The following PASK variants were observed in gnomAD, a reference collection of about 807,000 sequenced individuals.
PASK encodes the protein PAS domain-containing serine/threonine-protein kinase.
Under a neutral mutation model 121.0 loss-of-function variants are expected in PASK, and 110 were observed. The observed-to-expected ratio is 0.91, with a 90% CI of 0.78 to 1.06. PASK has a LOEUF of 1.06. Among genes scored for constraint, PASK ranks in the 50% least tolerant of loss-of-function variants. The pLI, the probability that PASK is intolerant of heterozygous loss-of-function variation, is 0.00. For synonymous variants in PASK, 686 were observed against 717.8 expected (o/e 0.96, Z 0.71); for missense variants, 1,643 against 1,702.3 (o/e 0.97, Z 0.61).
chr2:241,121,741 C>T (rs1372558691), intron 12 of PASK, among the ~76,000 whole-genome samples: 1 of 152,130 alleles, frequency 6.6e-6, no homozygotes, highest in Non-Finnish European at 1.5e-5. Flanking sequence ...AAGTAGACTT[C>T]AGAACAAGGC....
chr2:241,106,896 G>A (rs2064907899), intron 17 of PASK, among the ~76,000 whole-genome samples, 173 bp from the exon 18 acceptor site: 1 of 152,356 alleles, frequency 6.6e-6, no homozygotes, highest in Non-Finnish European at 1.5e-5. Flanking sequence ...TAAGCCCAGG[G>A]CCATCAACCG....
In PASK at chr2:241,142,949, G is replaced by A. The variant is rs745499624; in HGVS notation, c.84C>T (p.Gly28=). The stretch of plus-strand genomic sequence containing the variant: ...GCTCAGCAGTGGTCTGTGCAGCTGG[G>A]CCCTCTGCTGACACTGGCAAGGGGA... ...QSLPLPVSAE[G]PAAQTTAEPS... is the part of the protein sequence containing the mutation. The change falls in exon 2 of 18, where the codon GGC becomes GGT. Residue 28 remains glycine, a synonymous_variant. Transcript: ENST00000234040. 3 of 1,613,684 alleles carry A rather than the reference G, an allele frequency of 1.9e-6. No homozygotes were observed. The highest frequency in any genetic ancestry group is 1.7e-5 in the Admixed American group (1 of 60,018).
intron 7 of PASK, 57 bp from the exon 8 acceptor site, chr2:241,136,096 A>G (rs989624859): frequency 6.9e-7 from 1 of 1,453,780 alleles, no homozygotes; most frequent in Non-Finnish European, 9.7e-7. Context: ...GACCCACTGG[A>G]CCGTCCCCCT....
intron 12 of PASK, among the ~76,000 whole-genome samples, chr2:241,118,103 T>C (rs1029329936): frequency 1.3e-5 from 2 of 152,214 alleles, no homozygotes; most frequent in African/African-American, 2.4e-5. Flanking sequence ...ACAGATTCAA[T>C]GTGATTCCTA....
chr2:241,135,439 G>A (rs1045241074), intron 8 of PASK, among the ~76,000 whole-genome samples: 1 of 152,106 alleles, frequency 6.6e-6, no homozygotes, highest in Non-Finnish European at 1.5e-5. Context: ...GATTTCTGAG[G>A]TTGAAAAGAA....
intron 9 of PASK, among the ~76,000 whole-genome samples, chr2:241,131,452 C>T (rs1340047002): frequency 5.9e-5 from 9 of 152,176 alleles, no homozygotes. Flanking sequence ...CTGGCCCATG[C>T]ATTACATATT....
rs1330497414 is a variant in PASK, at chr2:241,135,853, A to C, written c.1306+18T>G. ...CTCAGCAGCTACAGGCGCATTCAGG[A>C]GGAAGAGGACGTCTTACCCTGGCCC... On this transcript the variant is annotated intron_variant, in intron 8 of 17. Transcript: ENST00000234040. 1 of 1,611,232 alleles carries C rather than the reference A, an allele frequency of 6.2e-7. No individual in the cohort carries two copies. Among genetic ancestry groups the C allele is most frequent in the East Asian group, 2.2e-5 (1 of 44,872 alleles).
chr2:241,106,173 TTGAC>T lies in PASK; in HGVS notation c.*389_*392del, dbSNP rs1242521668. The stretch of plus-strand genomic sequence containing the variant: ...TAAATTAATGAAATAGTCTGGCCAT[TTGAC>T]TAACCAGTTCTACAAATTTCACATA... On this transcript the variant is annotated 3_prime_UTR_variant, in exon 18 of 18. Transcript: ENST00000234040. The T allele has an allele frequency of 8.1e-6, 2 of 248,334 alleles. No homozygotes were observed. Among genetic ancestry groups the T allele is most frequent in the African/African-American group, 4.6e-5 (2 of 43,528 alleles). The allele number at this position is 248,334 out of a possible 1,614,324, so 15.4% of individuals were successfully genotyped here.
intron 14 of PASK, 146 bp downstream of exon 14, chr2:241,114,897 T>A: frequency 6.5e-7 from 1 of 1,535,938 alleles, no homozygotes. Flanking sequence ...CTTCTCAAAA[T>A]ATATATCCTA....
At chr2:241,131,780 G>A (rs1293837600) in intron 9 of PASK, among the ~76,000 whole-genome samples, 1 of 152,164 alleles carries the variant, frequency 6.6e-6, no homozygotes, top group Non-Finnish European at 1.5e-5. Context: ...TCTGGGTCAG[G>A]TATGGTGGCT....
At chr2:241,137,921 C>T (rs771091356) in intron 6 of PASK, 32 bp downstream of exon 6, 5 of 1,612,724 alleles carry the variant, frequency 3.1e-6, no homozygotes. Context: ...AACTCCACCC[C>T]ATCACACAGT....
At chr2:241,148,003 C>T (rs1003524576) in intron 1 of PASK, among the ~76,000 whole-genome samples, 2 of 152,190 alleles carry the variant, frequency 1.3e-5, no homozygotes, top group Non-Finnish European at 2.9e-5. Context: ...CAGCCACAGC[C>T]TGGCCTCAAG....
rs150763635 is a variant in PASK, at chr2:241,112,784, G to A, written c.3334-345C>T. The A allele has an allele frequency of 7.9e-5, 25 of 317,532 alleles. No homozygotes were observed. In the East Asian group the frequency reaches 2.2e-3, roughly 28 times the overall value. 19.7% of individuals were successfully genotyped at this position (317,532 alleles called of 1,614,324 possible). A position where few individuals can be genotyped will look rare whatever the true frequency, so the allele number is the denominator to read the frequency against. Reference sequence around the variant, plus strand: ...TTCAGGAGGAAAGACAGGCCACAAAGCCACAGCTCAAAGACACTCATGGTG... The same window carrying A: ...TTCAGGAGGAAAGACAGGCCACAAAACCACAGCTCAAAGACACTCATGGTG... On this transcript the variant is annotated intron_variant, in intron 14 of 17. Transcript: ENST00000234040. This position sits in a 1 kb window ranked among gnomAD's most constrained non-coding sequence, Gnocchi z 5.2.
intron 1 of PASK, among the ~76,000 whole-genome samples, chr2:241,143,293 A>G (rs1004070675): frequency 6.6e-6 from 1 of 152,206 alleles, no homozygotes; most frequent in African/African-American, 2.4e-5. Flanking sequence ...CTGTCATCCC[A>G]GCACTTTGGG....
chr2:241,116,852 G>A (rs2041085), intron 12 of PASK, among the ~76,000 whole-genome samples: 31,432 of 152,152 alleles, frequency 0.21, 4,938 homozygotes, highest in East Asian at 0.44. Context: ...GTGTCAGGAA[G>A]AGATGCTGAG....
chr2:241,150,273 A>G, upstream of PASK: 5 of 1,318,142 alleles, frequency 3.8e-6, no homozygotes, highest in Non-Finnish European at 2.9e-6. Context: ...TCGCCTCCAG[A>G]CTGTTCCGGC....
intron 10 of PASK, 58 bp downstream of exon 10, chr2:241,126,138 C>A: frequency 6.7e-7 from 1 of 1,484,650 alleles, no homozygotes; most frequent in Non-Finnish European, 9.4e-7. Flanking sequence ...GGCCCTGCAC[C>A]CCCACTGCAC....
In PASK at chr2:241,127,284, G is replaced by A; in HGVS notation, c.1631C>T (p.Ala544Val). Residue 544 changes from alanine (A) to valine (V), a missense_variant, in exon 10 of 18, where the codon GCT becomes GTT. By Grantham distance (64) the Ala-to-Val change is moderately conservative (BLOSUM62 0). Coordinates refer to ENST00000234040, the MANE Select transcript of PASK (RefSeq NM_015148.4). ...RSEPVDVKPF[A>V]SCEDSEAPVP... The stretch of plus-strand genomic sequence containing the variant: ...TGGAGCTTCAGAATCTTCGCAGGAA[G>A]CAAATGGCTTCACATCCACTGGTTC... 6.2e-7 allele frequency: 1 copy of A among 1,614,250 alleles called. No individual in the cohort carries two copies. Among genetic ancestry groups the A allele is most frequent in the East Asian group, 2.2e-5 (1 of 44,886 alleles).
chr2:241,132,752 C>T (rs1320257509), intron 9 of PASK, 122 bp downstream of exon 9: 3 of 842,752 alleles, frequency 3.6e-6, no homozygotes, highest in African/African-American at 1.7e-5. Context: ...GTGCTCAACA[C>T]ATGTGAGTTT....
Sources: allele counts gnomAD v4.1 joint callset (sites outside exome capture counted in the v4.1 genomes callset), GRCh38; gene constraint gnomAD v4.1.1; non-coding constraint Gnocchi (gnomAD v3.1); transcripts MANE v1.5; gene names NCBI Gene and HGNC (gene_info 2026-07-23, HGNC 2026-07-21).